The following CNN3 variants were observed in gnomAD, a reference collection of about 807,000 sequenced individuals.
CNN3 encodes the protein calponin-3.
In CNN3, 11 loss-of-function variants were observed where a neutral mutation model predicts 39.0. The observed-to-expected ratio is 0.28, with a 90% CI of 0.18 to 0.47. The LOEUF is 0.47. Among genes scored for constraint, CNN3 ranks in the 20% least tolerant of loss-of-function variants. The pLI is 0.99. For synonymous variants in CNN3, 101 were observed against 138.3 expected (o/e 0.73, Z 1.89); for missense variants, 266 against 403.4 (o/e 0.66, Z 2.92).
At chr1:94,898,759 A>G (rs1368158086) in intron 6 of CNN3, among the ~76,000 whole-genome samples, 1 of 152,212 alleles carries the variant, frequency 6.6e-6, no homozygotes, top group African/African-American at 2.4e-5. Context: ...GATGTGTTCC[A>G]TAAGGGCAAA....
intron 1 of CNN3, among the ~76,000 whole-genome samples, chr1:94,908,840 AT>A (rs56404478): frequency 6.6e-6 from 1 of 151,686 alleles, no homozygotes; most frequent in African/African-American, 2.4e-5. Flanking sequence ...CAAAATAATA[AT>A]TTTTTTAAAA....
intron 1 of CNN3, among the ~76,000 whole-genome samples, chr1:94,921,490 T>C (rs1214807541): frequency 6.6e-6 from 1 of 152,198 alleles, no homozygotes; most frequent in Admixed American, 6.5e-5. Flanking sequence ...CCAATTGTGC[T>C]TACTTTTTTT....
intron 1 of CNN3, chr1:94,924,552 G>A (rs1411046902): frequency 6.6e-6 from 1 of 152,454 alleles, no homozygotes; most frequent in Non-Finnish European, 1.5e-5. Flanking sequence ...GAACCTGGGA[G>A]GCGAAGGTTG....
At chr1:94,923,930 G>T (rs1671512051) in intron 1 of CNN3, among the ~76,000 whole-genome samples, 1 of 152,114 alleles carries the variant, frequency 6.6e-6, no homozygotes, top group African/African-American at 2.4e-5. Context: ...ATGTCAAGTA[G>T]CTAGCCCAGC....
chr1:94,915,421 A>T (rs1671256628), intron 1 of CNN3, among the ~76,000 whole-genome samples: 1 of 152,208 alleles, frequency 6.6e-6, no homozygotes, highest in African/African-American at 2.4e-5. Flanking sequence ...TCCCCTTTCC[A>T]GTCCCGAAGT....
Position 94,926,777 on chromosome 1 carries a change from C to T in CNN3, c.57+61G>A, listed in dbSNP as rs1671594961. On this transcript the variant is annotated intron_variant, in intron 1 of 6. Transcript: ENST00000370206. The surrounding 1 kb of genome is among the most constrained non-coding windows in gnomAD (Gnocchi z 4.2). ...CGCGAAGAGCAAACGAAGCACGGCC[C>T]AGCGCCAGGCCAGCCCAAGGGTGCC... The T allele has an allele frequency of 6.5e-7, 1 of 1,547,562 alleles. No individual in the cohort carries two copies. Among genetic ancestry groups the T allele is most frequent in the Non-Finnish European group, 8.8e-7 (1 of 1,132,512 alleles).
chr1:94,914,876 A>G (rs1158961907), intron 1 of CNN3, among the ~76,000 whole-genome samples: 1 of 151,916 alleles, frequency 6.6e-6, no homozygotes, highest in Non-Finnish European at 1.5e-5. Context: ...GTAGGATAGA[A>G]TTTCCCATTT....
chr1:94,918,493 C>CAAAA (rs1491362733), intron 1 of CNN3, among the ~76,000 whole-genome samples: 2 of 29,978 alleles, frequency 6.7e-5, no homozygotes, highest in Admixed American at 3.7e-4. Context: ...GACTGTCTCC[C>CAAAA]AAAAAAAATA....
rs148095016 is a variant in CNN3 at position 94,913,476 on chromosome 1, T to C, written c.58-9952A>G. ...TAAAACAGGAGGAGCTAAAGCTTTG[T>C]AATCAAAGGAAGTCAGTTACCAATC... On this transcript the variant is annotated intron_variant, in intron 1 of 6. Transcript: ENST00000370206. 3.2e-3 allele frequency among the ~76,000 whole-genome samples: 487 copies of C among 152,318 alleles called. 1 individual carries two copies. Among genetic ancestry groups the C allele is most frequent in the Admixed American group, 4.5e-3 (69 of 15,302 alleles).
chr1:94,926,920 A>G lies in CNN3; in HGVS notation c.-26T>C, dbSNP rs1400132552. On this transcript the variant is annotated 5_prime_UTR_variant, in exon 1 of 7. Coordinates refer to ENST00000370206, the MANE Select transcript of CNN3 (RefSeq NM_001839.5). This position sits in a 1 kb window ranked among gnomAD's most constrained non-coding sequence, Gnocchi z 4.2. ...GGTGGTTCGGGCGGCGGGAAGAGAC[A>G]GCGCTGGGGTCCGGGGTCTCTCGCA... 6.9e-6 allele frequency: 11 copies of G among 1,604,710 alleles called. No homozygotes were observed. The highest frequency in any genetic ancestry group is 9.4e-6 in the Non-Finnish European group (11 of 1,175,072).
intron 1 of CNN3, among the ~76,000 whole-genome samples, chr1:94,913,750 A>G (rs1671220724): frequency 1.3e-5 from 2 of 152,226 alleles, no homozygotes; most frequent in South Asian, 4.1e-4. Flanking sequence ...GAAGTCATAT[A>G]GAAGAGAGAG....
chr1:94,901,718 C>T lies in CNN3; in HGVS notation c.452G>A (p.Arg151His), dbSNP rs766783949. The change falls in exon 5 of 7, where the codon CGT (arginine) becomes CAT (histidine). Residue 151 changes from arginine (R) to histidine (H), a missense_variant. Arg to His is a conservative substitution (Grantham distance 29). Transcript: ENST00000370206. Reference protein sequence around the residue: ...GVKYAEKQTRRFDEGKLKAGQ... With the variant: ...GVKYAEKQTRHFDEGKLKAGQ... ...AGCTTTTAATTTTCCTTCATCAAAACGTCTTGTTTGTTTTTCTGCATACTT... is the reference window on the plus strand; with the variant it reads ...AGCTTTTAATTTTCCTTCATCAAAATGTCTTGTTTGTTTTTCTGCATACTT... The T allele has an allele frequency of 1.9e-6, 3 of 1,614,042 alleles. No individual in the cohort carries two copies. Among genetic ancestry groups the T allele is most frequent in the South Asian group, 1.1e-5 (1 of 91,084 alleles).
chr1:94,902,014 G>C, intron 4 of CNN3, 107 bp downstream of exon 4: 1 of 975,938 alleles, frequency 1.0e-6, no homozygotes, highest in Non-Finnish European at 1.6e-6. Flanking sequence ...TTACAGAAGA[G>C]ACAGGCCCCG....
intron 1 of CNN3, among the ~76,000 whole-genome samples, chr1:94,904,731 A>G (rs1670952422): frequency 6.6e-6 from 1 of 150,960 alleles, no homozygotes; most frequent in Non-Finnish European, 1.5e-5. Flanking sequence ...TGGGCAGCAG[A>G]GTGAGACCCT....
At chr1:94,901,822 CAG>C in intron 4 of CNN3, 37 bp from the exon 5 acceptor site, 1 of 1,386,554 alleles carries the variant, frequency 7.2e-7, no homozygotes. Context: ...AAAAGGCCAA[CAG>C]AGTTTCACAG....
chr1:94,912,357 G>A (rs1671186088), intron 1 of CNN3, among the ~76,000 whole-genome samples: 1 of 152,216 alleles, frequency 6.6e-6, no homozygotes, highest in Admixed American at 6.5e-5. Flanking sequence ...CTCACTGTGA[G>A]AGAAGCCTTG....
chr1:94,901,811 G>T (rs1336848191), intron 4 of CNN3, 26 bp from the exon 5 acceptor site: 2 of 1,505,942 alleles, frequency 1.3e-6, no homozygotes, highest in Admixed American at 1.7e-5. Flanking sequence ...CACACTAACT[G>T]AAAAGGCCAA....
At chr1:94,900,218 T>C (rs1304694067) in intron 5 of CNN3, among the ~76,000 whole-genome samples, 1 of 152,080 alleles carries the variant, frequency 6.6e-6, no homozygotes, top group African/African-American at 2.4e-5. Context: ...AAAAATAAGA[T>C]TAAAGAAAAT....
intron 2 of CNN3, 104 bp from the exon 3 acceptor site, chr1:94,903,292 A>T (rs369426255): frequency 6.5e-7 from 1 of 1,549,074 alleles, no homozygotes. Context: ...AGCATTAAAG[A>T]TATCTGTAGA....
Sources: gnomAD v4.1 joint callset for allele counts (sites outside exome capture counted in the v4.1 genomes callset) on GRCh38, gnomAD v4.1.1 for gene constraint, Gnocchi (gnomAD v3.1) non-coding constraint, MANE v1.5 for transcripts, NCBI Gene and HGNC (gene_info 2026-07-23, HGNC 2026-07-21) for gene names.